Variants in ESR2 observed in about 807,000 individuals in gnomAD.
The protein encoded by ESR2 is estrogen receptor 2.
ESR2 carries 36 observed loss-of-function variants against 49.6 expected under a neutral mutation model. The ratio of observed to expected loss-of-function variants is 0.73; its 90% confidence interval spans 0.56 to 0.96. The LOEUF is 0.96. ESR2 is among the 40% of genes least tolerant of loss of function. The pLI, the probability that ESR2 is intolerant of heterozygous loss-of-function variation, is 0.00. For missense variants in ESR2, 714 were observed against 693.0 expected (o/e 1.03, Z -0.34); for synonymous variants, 320 against 266.1 (o/e 1.20, Z -1.97).
At chr14:64,333,016 A>T (rs1177751286) in intron 1 of ESR2, among the ~76,000 whole-genome samples, 2 of 150,924 alleles carry the variant, frequency 1.3e-5, no homozygotes, top group African/African-American at 4.9e-5. Flanking sequence ...AGCTGGGACT[A>T]CAGGTGCCCA....
chr14:64,295,904 C>T (rs371691418), upstream of ESR2, among the ~76,000 whole-genome samples: 1 of 151,990 alleles, frequency 6.6e-6, no homozygotes, highest in Non-Finnish European at 1.5e-5. Flanking sequence ...ATTGGCTGGA[C>T]GTGGTGGCAC....
At chr14:64,313,133 G>T (rs1165717975) in intron 1 of ESR2, among the ~76,000 whole-genome samples, 3 of 151,958 alleles carry the variant, frequency 2.0e-5, no homozygotes, top group Non-Finnish European at 4.4e-5. Context: ...CACAGGGAGG[G>T]ACATTATATA....
upstream of ESR2, among the ~76,000 whole-genome samples, chr14:64,295,161 A>C (rs1462698035): frequency 6.6e-6 from 1 of 151,544 alleles, no homozygotes; most frequent in Non-Finnish European, 1.5e-5. Flanking sequence ...ATGAAAATGA[A>C]AAGGAAAGTA....
chr14:64,227,383 A>C, downstream of ESR2: 1 of 770,634 alleles, frequency 1.3e-6, no homozygotes, highest in Non-Finnish European at 2.1e-6. Context: ...AATAGAAAGG[A>C]AGGTGGTTTT....
intron 2 of ESR2, 148 bp downstream of exon 2, chr14:64,282,476 A>T: frequency 1.3e-6 from 1 of 775,114 alleles, no homozygotes; most frequent in Non-Finnish European, 2.0e-6. Flanking sequence ...AGAATAGAAC[A>T]GGGCATCCTG....
intron 1 of ESR2, among the ~76,000 whole-genome samples, chr14:64,325,622 T>G (rs3020443): frequency 0.23 from 35,203 of 151,974 alleles, 4,232 homozygotes; most frequent in Middle Eastern, 0.33. Flanking sequence ...TGAAGACCGA[T>G]TTGAATTGCA....
At chr14:64,269,942 G>C (rs7154455) in intron 3 of ESR2, among the ~76,000 whole-genome samples, 52,018 of 151,966 alleles carry the variant, frequency 0.34, 9,318 homozygotes, top group Middle Eastern at 0.44. Flanking sequence ...TGCTGTAGTT[G>C]TGCAAATGAG....
rs568869520 is a variant in ESR2, at chr14:64,251,316, A to C, written c.1092-1637T>G. Among the ~76,000 whole-genome samples the C allele has an allele frequency of 4.4e-3, 663 of 151,924 alleles. 9 individuals are homozygous for C. Among genetic ancestry groups the C allele is most frequent in the African/African-American group, 0.015 (622 of 41,448 alleles). Reference sequence around the variant, plus strand: ...AAATATCTCTATGGGGCAAAAAAAAAAAAAAACAAAAAAACCCACCAACTC... The same window carrying C: ...AAATATCTCTATGGGGCAAAAAAAACAAAAAACAAAAAAACCCACCAACTC... On this transcript the variant is annotated intron_variant, in intron 6 of 8. Coordinates refer to ENST00000341099, the MANE Select transcript of ESR2 (RefSeq NM_001437.3).
chr14:64,284,619 G>A (rs542439931), intron 1 of ESR2, among the ~76,000 whole-genome samples: 20 of 152,172 alleles, frequency 1.3e-4, no homozygotes, highest in African/African-American at 4.8e-4. Flanking sequence ...ACCATGCCCG[G>A]CCACAGTAAT....
At chr14:64,285,950 G>A (rs527347804) in intron 1 of ESR2, among the ~76,000 whole-genome samples, 5 of 152,194 alleles carry the variant, frequency 3.3e-5, no homozygotes, top group East Asian at 3.9e-4. Context: ...TTGTCATAAG[G>A]AAGTGAGGAA....
At chr14:64,236,956 C>A (rs2075617428) in intron 7 of ESR2, among the ~76,000 whole-genome samples, 1 of 138,810 alleles carries the variant, frequency 7.2e-6, no homozygotes, top group Non-Finnish European at 1.6e-5. Flanking sequence ...AGGGCACAGA[C>A]CTTTTTTTTT....
chr14:64,305,494 C>A (rs1276624529), intron 1 of ESR2, among the ~76,000 whole-genome samples: 4 of 151,292 alleles, frequency 2.6e-5, no homozygotes, highest in African/African-American at 7.3e-5. Context: ...CACAGTGAAA[C>A]CCCATCTCTA....
chr14:64,302,160 T>TTTTATTTATTTA (rs80326062), intron 1 of ESR2, among the ~76,000 whole-genome samples: 3,025 of 138,176 alleles, frequency 0.022, 47 homozygotes, highest in East Asian at 0.084. Flanking sequence ...TATTTTTTAT[T>TTTTATTTATTTA]TTTATTTATT....
chr14:64,262,305 G>A (rs1430699432), intron 4 of ESR2, among the ~76,000 whole-genome samples: 1 of 151,914 alleles, frequency 6.6e-6, no homozygotes, highest in Non-Finnish European at 1.5e-5. Context: ...TGTAAAGACA[G>A]GGTCTCACCA....
intron 7 of ESR2, among the ~76,000 whole-genome samples, chr14:64,240,281 T>C (rs2075693020): frequency 6.6e-6 from 1 of 152,042 alleles, no homozygotes; most frequent in Non-Finnish European, 1.5e-5. Context: ...CCAATGCTTA[T>C]CTAGCCTGGC....
intron 2 of ESR2, among the ~76,000 whole-genome samples, chr14:64,281,105 G>GA (rs2076657713): frequency 6.6e-6 from 1 of 152,168 alleles, no homozygotes; most frequent in African/African-American, 2.4e-5. Flanking sequence ...GAAGAGAAGA[G>GA]AAAGGGAGAG....
At chr14:64,285,006 C>T (rs1233420000) in intron 1 of ESR2, among the ~76,000 whole-genome samples, 2 of 152,058 alleles carry the variant, frequency 1.3e-5, no homozygotes, top group South Asian at 2.1e-4. Context: ...CCCGCCACCA[C>T]GCCCAGCTAA....
At chr14:64,259,958 G>A (rs567581728) in intron 5 of ESR2, among the ~76,000 whole-genome samples, 2 of 152,224 alleles carry the variant, frequency 1.3e-5, no homozygotes, top group South Asian at 4.1e-4. Flanking sequence ...CCACGTTCCA[G>A]GTTCCAGGAC....
intron 1 of ESR2, among the ~76,000 whole-genome samples, chr14:64,307,368 T>C (rs1596479322): frequency 6.8e-6 from 1 of 147,592 alleles, no homozygotes; most frequent in East Asian, 2.1e-4. Context: ...TGTGCCACCA[T>C]GCCCAGCTAA....
Sources: allele counts gnomAD v4.1 joint callset (sites outside exome capture counted in the v4.1 genomes callset), GRCh38; gene constraint gnomAD v4.1.1; transcripts MANE v1.5; gene names NCBI Gene and HGNC (gene_info 2026-07-23, HGNC 2026-07-21).